Variants in PRELID2 observed in about 807,000 individuals in gnomAD.
The protein encoded by PRELID2 is PRELI domain-containing protein 2.
Under a neutral mutation model 28.4 loss-of-function variants are expected in PRELID2, and 25 were observed. The observed-to-expected ratio is 0.88, with a 90% CI of 0.64 to 1.23. The LOEUF (loss-of-function observed/expected upper bound fraction) is 1.23. Among genes scored for constraint, PRELID2 ranks in the 50% most tolerant of loss-of-function variants. PRELID2 has a pLI of 0.00. For synonymous variants in PRELID2, 76 were observed against 71.6 expected (o/e 1.06, Z -0.31); for missense variants, 201 against 214.4 (o/e 0.94, Z 0.39).
chr5:145,807,687 C>T (rs1463475532), intron 4 of PRELID2, among the ~76,000 whole-genome samples: 1 of 152,132 alleles, frequency 6.6e-6, no homozygotes, highest in Admixed American at 6.5e-5. Context: ...CAAATTCCTT[C>T]TCTTTTCCTT....
At chr5:145,281,355 TAGAG>T in the PRELID2 span, among the ~76,000 whole-genome samples, 2 of 152,082 alleles carry the variant, frequency 1.3e-5, no homozygotes, top group Non-Finnish European at 2.9e-5. Context: ...GTATGTCTCT[TAGAG>T]AGAGAGGTTT....
At chr5:145,267,436 C>A in the PRELID2 span, among the ~76,000 whole-genome samples, 341 of 152,272 alleles carry the variant, frequency 2.2e-3, 1 homozygote, top group African/African-American at 8.0e-3. Flanking sequence ...GCTTATTTCA[C>A]TTAACACAAT....
the PRELID2 span, among the ~76,000 whole-genome samples, chr5:145,453,975 T>A: frequency 6.6e-6 from 1 of 152,206 alleles, no homozygotes; most frequent in Non-Finnish European, 1.5e-5. Flanking sequence ...TTTGGGTATA[T>A]ACCCAGTAAT....
chr5:145,780,509 A>G (rs1039873275), intron 5 of PRELID2, among the ~76,000 whole-genome samples: 2 of 152,236 alleles, frequency 1.3e-5, no homozygotes, highest in African/African-American at 4.8e-5. Context: ...CTGGCTTCAA[A>G]GGGAGCTGAG....
chr5:145,233,328 A>G, the PRELID2 span, among the ~76,000 whole-genome samples: 1 of 152,144 alleles, frequency 6.6e-6, no homozygotes, highest in African/African-American at 2.4e-5. Flanking sequence ...CCACACATAC[A>G]TAGTATTCCA....
chr5:145,313,812 T>C, the PRELID2 span, among the ~76,000 whole-genome samples: 4 of 152,106 alleles, frequency 2.6e-5, no homozygotes, highest in African/African-American at 9.7e-5. Context: ...AAAAGTCAAA[T>C]AATTTGTCTC....
chr5:145,294,053 C>T, the PRELID2 span, among the ~76,000 whole-genome samples: 16 of 152,094 alleles, frequency 1.1e-4, 1 homozygote, highest in East Asian at 3.8e-4. Flanking sequence ...TCTCTCTACT[C>T]GATTATGCAT....
chr5:145,798,982 C>T (rs1432520176), intron 4 of PRELID2, among the ~76,000 whole-genome samples: 1 of 151,536 alleles, frequency 6.6e-6, no homozygotes, highest in African/African-American at 2.4e-5. Context: ...TGCATCAAAC[C>T]TGCACGTTGT....
the PRELID2 span, among the ~76,000 whole-genome samples, chr5:145,286,081 T>C: frequency 3.3e-5 from 5 of 152,176 alleles, no homozygotes; most frequent in East Asian, 9.6e-4. Flanking sequence ...TTATAATTAA[T>C]ATAGATGCAC....
intron 1 of PRELID2, among the ~76,000 whole-genome samples, chr5:145,613,606 C>T (rs1753653703): frequency 1.3e-5 from 2 of 152,048 alleles, no homozygotes; most frequent in Admixed American, 1.3e-4. Context: ...GGGAATTCAA[C>T]AATGAGAACA....
At chr5:145,485,492 G>A (rs1037717221) in intron 1 of PRELID2, among the ~76,000 whole-genome samples, 7 of 152,192 alleles carry the variant, frequency 4.6e-5, no homozygotes, top group South Asian at 2.1e-4. Context: ...TATGTAGAGC[G>A]TGTTTGCCTG....
intron 1 of PRELID2, among the ~76,000 whole-genome samples, chr5:145,566,213 G>C (rs1752966272): frequency 6.6e-6 from 1 of 152,156 alleles, no homozygotes; most frequent in Non-Finnish European, 1.5e-5. Flanking sequence ...GAGAAATAGG[G>C]GCAAGAGACA....
At chr5:145,483,990 G>A (rs1752190651) in intron 1 of PRELID2, among the ~76,000 whole-genome samples, 1 of 152,116 alleles carries the variant, frequency 6.6e-6, no homozygotes, top group Non-Finnish European at 1.5e-5. Flanking sequence ...ACTGAAGGTT[G>A]GCTACTCAGA....
chr5:145,587,713 C>T (rs1753173428), intron 1 of PRELID2, among the ~76,000 whole-genome samples: 2 of 152,120 alleles, frequency 1.3e-5, no homozygotes, highest in Admixed American at 1.3e-4. Flanking sequence ...ACTTTACAAA[C>T]AGCCCAATCA....
the PRELID2 span, among the ~76,000 whole-genome samples, chr5:145,366,712 C>T: frequency 6.6e-6 from 1 of 151,828 alleles, no homozygotes; most frequent in Non-Finnish European, 1.5e-5. Context: ...TATCTCTGTG[C>T]TCCATACAGC....
intron 1 of PRELID2, among the ~76,000 whole-genome samples, chr5:145,506,522 C>T (rs763123753): frequency 8.5e-5 from 13 of 152,142 alleles, no homozygotes. Flanking sequence ...GCTACCCAGG[C>T]CATGTTCCTT....
chr5:145,533,350 G>A (rs917377994), intron 1 of PRELID2, among the ~76,000 whole-genome samples: 1 of 151,878 alleles, frequency 6.6e-6, no homozygotes, highest in Admixed American at 6.6e-5. Flanking sequence ...CGTACATTTA[G>A]GTTCAATATC....
At chr5:145,388,465 C>A in the PRELID2 span, among the ~76,000 whole-genome samples, 1 of 152,106 alleles carries the variant, frequency 6.6e-6, no homozygotes, top group Admixed American at 6.6e-5. Flanking sequence ...ATCAATTGGG[C>A]CCACTTTACA....
chr5:145,586,112 A>G (rs955306060), intron 1 of PRELID2, among the ~76,000 whole-genome samples: 1 of 152,112 alleles, frequency 6.6e-6, no homozygotes, highest in African/African-American at 2.4e-5. Flanking sequence ...TATAAGAAAA[A>G]GTCATATTGA....
Sources: gnomAD v4.1 joint callset for allele counts (sites outside exome capture counted in the v4.1 genomes callset) on GRCh38, gnomAD v4.1.1 for gene constraint, MANE v1.5 for transcripts, NCBI Gene and HGNC (gene_info 2026-07-23, HGNC 2026-07-21) for gene names.